CPVL: variants seen among roughly 807,000 people sequenced by gnomAD.
CPVL encodes the protein probable serine carboxypeptidase CPVL.
In CPVL, 51 loss-of-function variants were observed where a neutral mutation model predicts 63.7. The observed-to-expected ratio is 0.80, with a 90% CI of 0.64 to 1.01. CPVL has a LOEUF of 1.01. Ranked by LOEUF, CPVL falls within the 50% of genes least tolerant of loss-of-function variation. The probability of loss-of-function intolerance (pLI) is 0.00; values close to 1 mark genes in which losing one functional copy is unlikely to be tolerated. For missense variants in CPVL, 530 were observed against 573.1 expected (o/e 0.92, Z 0.77); for synonymous variants, 195 against 206.0 (o/e 0.95, Z 0.46).
intron 7 of CPVL, among the ~76,000 whole-genome samples, chr7:29,077,537 G>A (rs1784351790): frequency 6.6e-6 from 1 of 152,100 alleles, no homozygotes. Flanking sequence ...GACCCTGAGG[G>A]TCATTCTAAG....
chr7:29,069,199 G>A (rs1029529894), intron 9 of CPVL, among the ~76,000 whole-genome samples: 11 of 151,500 alleles, frequency 7.3e-5, no homozygotes, highest in Non-Finnish European at 1.3e-4. Flanking sequence ...CAGCACTTTG[G>A]AAGGCCGAGG....
At chr7:29,041,030 C>A (rs1184409780) in intron 11 of CPVL, among the ~76,000 whole-genome samples, 3 of 151,932 alleles carry the variant, frequency 2.0e-5, no homozygotes, top group Non-Finnish European at 4.4e-5. Context: ...TCTAGTCAGT[C>A]CTTTACTCTG....
At chr7:29,075,997 T>C (rs1784210429) in intron 7 of CPVL, among the ~76,000 whole-genome samples, 1 of 149,538 alleles carries the variant, frequency 6.7e-6, no homozygotes, top group Non-Finnish European at 1.5e-5. Flanking sequence ...TTATTCTTCT[T>C]GAATCATTTA....
intron 1 of CPVL, among the ~76,000 whole-genome samples, chr7:29,130,391 A>AT (rs1487468146): frequency 2.6e-5 from 4 of 152,234 alleles, no homozygotes; most frequent in African/African-American, 9.6e-5. Flanking sequence ...ATATTAACAG[A>AT]TTTTATAATA....
At chr7:29,089,920 T>C (rs1365549039) in intron 6 of CPVL, among the ~76,000 whole-genome samples, 2 of 151,510 alleles carry the variant, frequency 1.3e-5, no homozygotes, top group Admixed American at 6.6e-5. Flanking sequence ...TGCAGTGCAG[T>C]GGTGTGATCT....
chr7:29,007,562 C>A (rs1165861429), intron 12 of CPVL, among the ~76,000 whole-genome samples: 1 of 152,150 alleles, frequency 6.6e-6, no homozygotes, highest in East Asian at 1.9e-4. Flanking sequence ...CAGAATATTT[C>A]TCATTTTTTC....
intron 1 of CPVL, among the ~76,000 whole-genome samples, chr7:29,145,649 G>A (rs1446967677): frequency 1.3e-5 from 2 of 152,112 alleles, no homozygotes; most frequent in African/African-American, 4.8e-5. Flanking sequence ...TCCCGTGCTA[G>A]GGAGGCATTT....
chr7:29,132,314 C>G (rs1383192014), intron 1 of CPVL, among the ~76,000 whole-genome samples: 1 of 152,132 alleles, frequency 6.6e-6, no homozygotes, highest in Non-Finnish European at 1.5e-5. Flanking sequence ...CAGGCTCGTG[C>G]TGGGTATTGA....
intron 1 of CPVL, among the ~76,000 whole-genome samples, chr7:29,123,905 G>A (rs1220808286): frequency 2.0e-5 from 3 of 151,846 alleles, no homozygotes; most frequent in African/African-American, 7.3e-5. Flanking sequence ...AACTGGTCCT[G>A]TTTTAATTGA....
intron 11 of CPVL, among the ~76,000 whole-genome samples, chr7:29,059,626 A>G (rs1562746336): frequency 6.6e-6 from 1 of 152,170 alleles, no homozygotes; most frequent in Non-Finnish European, 1.5e-5. Flanking sequence ...AAAGTATTCA[A>G]CAAAATCCAA....
chr7:29,120,835 A>T, intron 2 of CPVL, 58 bp downstream of exon 2: 2 of 1,467,218 alleles, frequency 1.4e-6, no homozygotes, highest in South Asian at 2.5e-5. Context: ...AAAAAAAAAA[A>T]AAAGAGAAAC....
At chr7:29,125,388 C>CTTT (rs57975250) in intron 1 of CPVL, among the ~76,000 whole-genome samples, 6 of 74,148 alleles carry the variant, frequency 8.1e-5, no homozygotes, top group Non-Finnish European at 1.0e-4. Flanking sequence ...ACTCTCCCGT[C>CTTT]TTTTTTTTTT....
At chr7:29,077,330 A>G (rs1784334245) in intron 7 of CPVL, among the ~76,000 whole-genome samples, 2 of 152,338 alleles carry the variant, frequency 1.3e-5, no homozygotes, top group South Asian at 4.1e-4. Flanking sequence ...TTATACACTC[A>G]TTCTCTGCCT....
chr7:29,053,971 G>T (rs1009642950), intron 11 of CPVL, among the ~76,000 whole-genome samples: 2 of 151,950 alleles, frequency 1.3e-5, no homozygotes, highest in Non-Finnish European at 2.9e-5. Context: ...GCTACTTGGG[G>T]GACTGAGGCT....
At chr7:29,148,061 G>A (rs1304129965), upstream of CPVL, among the ~76,000 whole-genome samples, 1 of 152,172 alleles carries the variant, frequency 6.6e-6, no homozygotes, top group Non-Finnish European at 1.5e-5. Flanking sequence ...CACCTCTTGG[G>A]CACAAGAGTA....
At chr7:29,022,989 G>A (rs1008657708) in intron 12 of CPVL, among the ~76,000 whole-genome samples, 2 of 152,256 alleles carry the variant, frequency 1.3e-5, no homozygotes, top group Non-Finnish European at 2.9e-5. Context: ...TCCACGAGCA[G>A]TCACCTGTAT....
At chr7:29,024,709 C>G (rs999585902) in intron 12 of CPVL, among the ~76,000 whole-genome samples, 16 of 152,086 alleles carry the variant, frequency 1.1e-4, no homozygotes, top group Non-Finnish European at 2.1e-4. Context: ...GCTGAAAGAA[C>G]AAAACTGACA....
intron 5 of CPVL, among the ~76,000 whole-genome samples, chr7:29,164,789 A>AC (rs895727669): frequency 3.3e-5 from 5 of 151,624 alleles, no homozygotes; most frequent in Non-Finnish European, 7.4e-5. Flanking sequence ...CAAAAAAAAA[A>AC]AAAAAAAAAA....
At chr7:29,170,980 C>T (rs1467632865) in intron 5 of CPVL, among the ~76,000 whole-genome samples, 1 of 152,164 alleles carries the variant, frequency 6.6e-6, no homozygotes, top group African/African-American at 2.4e-5. Context: ...CACGGGGTCC[C>T]TCCCACAACA....
Sources: gnomAD v4.1 joint callset for allele counts (sites outside exome capture counted in the v4.1 genomes callset) on GRCh38, gnomAD v4.1.1 for gene constraint, MANE v1.5 for transcripts, NCBI Gene and HGNC (gene_info 2026-07-23, HGNC 2026-07-21) for gene names.